POLR2M: variants seen among roughly 807,000 people sequenced by gnomAD.
The protein encoded by POLR2M is protein GRINL1A.
A neutral mutation model predicts 34.6 loss-of-function variants in POLR2M; 30 were observed. The ratio of observed to expected loss-of-function variants is 0.87; its 90% CI spans 0.65 to 1.18. POLR2M has a LOEUF of 1.18. Among genes scored for constraint, POLR2M ranks in the 50% most tolerant of loss-of-function variants. The probability of loss-of-function intolerance (pLI) is 0.00; values close to 1 mark genes in which losing one functional copy is unlikely to be tolerated. For synonymous variants in POLR2M, 150 were observed against 166.7 expected, an observed-to-expected ratio of 0.90 and a Z score of 0.77; for missense variants, 432 against 448.7, an observed-to-expected ratio of 0.96 and a Z score of 0.34.
intron 1 of POLR2M, 23 bp downstream of exon 1, chr15:57,706,978 C>T: frequency 6.4e-7 from 1 of 1,563,556 alleles, no homozygotes. Flanking sequence ...CCCGCGGAGT[C>T]TCCGCCAGGC....
rs1017932717 is a variant in POLR2M at position 57,710,170 on chromosome 15, G to A, written c.758+812G>A. On this transcript the variant is annotated intron_variant, in intron 2 of 3. Transcript: ENST00000299638. ...TAATAATAACAGTTTCAGGGGGAAG[G>A]AAGCTGAGAAGAGGTTTGAAAAACT... 3.9e-5 allele frequency among the ~76,000 whole-genome samples: 6 copies of A among 152,130 alleles called. No homozygotes were observed. In the South Asian group the frequency reaches 1.2e-3, roughly 31 times the overall value.
At chr15:57,708,625 T>A (rs147435925) in intron 1 of POLR2M, 89 bp from the exon 2 acceptor site, 24 of 1,236,162 alleles carry the variant, frequency 1.9e-5, no homozygotes, top group Admixed American at 8.9e-5. Flanking sequence ...AGCTTTTCTT[T>A]CTTTGAAGAT....
Position 57,716,926 on chromosome 15 carries a change from T to G in POLR2M, c.*2247T>G, listed in dbSNP as rs2040970306. ...TTCTTCTAGTATTTTCTTATTTCACTTTTACACCTATCTTTAAAAGGAATT... is the reference window on the plus strand; with the variant it reads ...TTCTTCTAGTATTTTCTTATTTCACGTTTACACCTATCTTTAAAAGGAATT... On this transcript the variant is annotated 3_prime_UTR_variant, in exon 4 of 4. Transcript: ENST00000299638. The G allele has an allele frequency of 6.6e-6, 1 of 152,196 alleles. No homozygotes were observed. Among genetic ancestry groups the G allele is most frequent in the South Asian group, 2.1e-4 (1 of 4,834 alleles). The allele number at this position is 152,196 out of a possible 1,614,324, so 9.4% of individuals were successfully genotyped here. A position where few individuals can be genotyped will look rare whatever the true frequency, so the allele number is the denominator to read the frequency against.
Position 57,714,473 on chromosome 15 carries a change from A to T in POLR2M, c.964-63A>T, listed in dbSNP as rs1363313877. The T allele has an allele frequency of 3.1e-6, 5 of 1,595,276 alleles. No homozygotes were observed. In the East Asian group the frequency reaches 9.0e-5, roughly 29 times the overall value. ...TATTGCTGATTCTAGGTAACTTCCC[A>T]TTGAAAAATTGTAAGGAAGAGATGT... On this transcript the variant is annotated intron_variant, in intron 3 of 3. Coordinates refer to ENST00000299638, the MANE Select transcript of POLR2M (RefSeq NM_015532.5).
chr15:57,714,412 C>A, intron 3 of POLR2M, 124 bp from the exon 4 acceptor site: 1 of 1,511,214 alleles, frequency 6.6e-7, no homozygotes, highest in Non-Finnish European at 8.9e-7. Context: ...CTTGTATTGC[C>A]CAAGGGAGCA....
At chr15:57,714,445 TCTTATTGCTGATTCTAGG>T in intron 3 of POLR2M, 73 bp from the exon 4 acceptor site, 1 of 1,571,710 alleles carries the variant, frequency 6.4e-7, no homozygotes, top group Non-Finnish European at 8.6e-7. Context: ...TCAGTGTCCC[TCTTATTGCTGATTCTAGG>T]TAACTTCCCA....
In POLR2M at chr15:57,706,756, C is replaced by A; in HGVS notation, c.-87C>A. ...GCGACTCCCGCTCGTGCCCCGGAGT[C>A]ACCGCCGTCCGCGGATCCGGCGCTA... On this transcript the variant is annotated 5_prime_UTR_variant, in exon 1 of 4. The change creates a premature stop within an existing upstream ORF in the 5' untranslated region. Transcript: ENST00000299638. The A allele has an allele frequency of 6.8e-7, 1 of 1,460,784 alleles. No individual in the cohort carries two copies. Among genetic ancestry groups the A allele is most frequent in the Non-Finnish European group, 9.3e-7 (1 of 1,080,482 alleles). The allele number at this position is 1,460,784 out of a possible 1,614,324, so 90.5% of individuals were successfully genotyped here. A position where few individuals can be genotyped will look rare whatever the true frequency, so the allele number is the denominator to read the frequency against.
rs1346155666 is a variant in POLR2M, at chr15:57,712,024, A to T, written c.799A>T (p.Lys267Ter). 6.2e-7 allele frequency: 1 copy of T among 1,614,064 alleles called. No individual in the cohort carries two copies. The highest frequency in any genetic ancestry group is 1.7e-5 in the Admixed American group (1 of 60,022). The change falls in exon 3 of 4, where the codon AAG (lysine) becomes TAG (stop). Residue 267 changes from lysine (K) to a stop codon, truncating the protein, a stop_gained. Transcript: ENST00000299638. LOFTEE classifies it high-confidence loss of function. ...RQNDSSSHCQ[K>*]SGSPISSEER... ...AAATGATTCATCTAGTCATTGCCAG[A>T]AGAGTGGGTCTCCTATTTCCTCAGA...
chr15:57,712,550 A>C (rs571783616), intron 3 of POLR2M, among the ~76,000 whole-genome samples: 8 of 152,260 alleles, frequency 5.3e-5, no homozygotes, highest in Non-Finnish European at 8.8e-5. Flanking sequence ...GCGGACTCAA[A>C]CCCAGACCCC....
chr15:57,710,643 TAAAAC>T (rs1457875295), intron 2 of POLR2M, among the ~76,000 whole-genome samples: 2 of 152,276 alleles, frequency 1.3e-5, no homozygotes, highest in African/African-American at 2.4e-5. Context: ...AGTCAATAAA[TAAAAC>T]AAAGAATACA....
In POLR2M at chr15:57,708,973, C is replaced by G. The variant is rs2040600802; in HGVS notation, c.373C>G (p.Gln125Glu). 2.5e-6 allele frequency: 4 copies of G among 1,613,902 alleles called. No homozygotes were observed. The highest frequency in any genetic ancestry group is 2.5e-6 in the Non-Finnish European group (3 of 1,179,910). ...CSSVDNIKSS[Q>E]TSQNQGLGRP... ...CTCTGTAGATAACATCAAGTCATCT[C>G]AAACCTCACAAAACCAGGGACTTGG... The change falls in exon 2 of 4, where the codon CAA becomes GAA. Residue 125 changes from glutamine (Q) to glutamate (E), a missense_variant. Transcript: ENST00000299638.
intron 3 of POLR2M, among the ~76,000 whole-genome samples, chr15:57,713,578 C>G (rs1444560225): frequency 6.6e-6 from 1 of 152,140 alleles, no homozygotes; most frequent in Non-Finnish European, 1.5e-5. Context: ...CACCTACCAT[C>G]AGTTGGTGGT....
At position 57,708,754 on chromosome 15, in the gene POLR2M, T is replaced by A; in HGVS notation, c.154T>A (p.Phe52Ile). 2 of 1,604,262 alleles carry A rather than the reference T, an allele frequency of 1.2e-6. No individual in the cohort carries two copies. The highest frequency in any genetic ancestry group is 1.7e-6 in the Non-Finnish European group (2 of 1,177,218). The change falls in exon 2 of 4, where the codon TTT becomes ATT. Residue 52 changes from phenylalanine to isoleucine, a missense_variant. Transcript: ENST00000299638. ...CKLPDKGKKI[F>I]DSFAKLKAAI... Reference sequence around the variant, plus strand: ...ATTGCCCGACAAAGGTAAAAAGATCTTTGACTCTTTTGCCAAACTGAAAGC... The same window carrying A: ...ATTGCCCGACAAAGGTAAAAAGATCATTGACTCTTTTGCCAAACTGAAAGC...
intron 1 of POLR2M, chr15:57,707,287 AC>A: frequency 1.3e-6 from 1 of 790,850 alleles, no homozygotes; most frequent in South Asian, 1.7e-5. Context: ...CGCACCCCTA[AC>A]CCATAACAGA....
In POLR2M at chr15:57,715,150, G is replaced by A. The variant is rs1187111716; in HGVS notation, c.*471G>A. 2 of 157,736 alleles carry A rather than the reference G, an allele frequency of 1.3e-5. No individual in the cohort carries two copies. The highest frequency in any genetic ancestry group is 2.8e-5 in the Non-Finnish European group (2 of 71,930). The allele number at this position is 157,736 out of a possible 1,614,324, so 9.8% of individuals were successfully genotyped here. A position where few individuals can be genotyped will look rare whatever the true frequency, so the allele number is the denominator to read the frequency against. On this transcript the variant is annotated 3_prime_UTR_variant, in exon 4 of 4. Transcript: ENST00000299638. ...TAAAGAATTGTATGCATGTTTGCAT[G>A]GGGTTATTGAGACATTGGATGTGAA...
At chr15:57,709,568 A>G (rs1238294925) in intron 2 of POLR2M, among the ~76,000 whole-genome samples, 1 of 152,166 alleles carries the variant, frequency 6.6e-6, no homozygotes, top group African/African-American at 2.4e-5. Context: ...AGAATGCTCT[A>G]AGTTCCGTGG....
At chr15:57,707,133 C>T (rs1369726346) in intron 1 of POLR2M, 178 bp downstream of exon 1, 1 of 1,537,556 alleles carries the variant, frequency 6.5e-7, no homozygotes. Flanking sequence ...CGTGCCTCTT[C>T]CTGGCCAGGC....
At chr15:57,710,386 A>G (rs1225046690) in intron 2 of POLR2M, among the ~76,000 whole-genome samples, 1 of 152,250 alleles carries the variant, frequency 6.6e-6, no homozygotes, top group Non-Finnish European at 1.5e-5. Context: ...TGTAACATCA[A>G]AGTTAAATCA....
chr15:57,713,771 A>G (rs2040830001), intron 3 of POLR2M, among the ~76,000 whole-genome samples: 1 of 147,330 alleles, frequency 6.8e-6, no homozygotes, highest in East Asian at 2.2e-4. Flanking sequence ...GATTGTAATT[A>G]GGGAAGAAGG....
Sources: gnomAD v4.1 joint callset for allele counts (sites outside exome capture counted in the v4.1 genomes callset) on GRCh38, gnomAD v4.1.1 for gene constraint, MANE v1.5 for transcripts, NCBI Gene and HGNC (gene_info 2026-07-23, HGNC 2026-07-21) for gene names.